Variants in CCDC77 observed in about 807,000 individuals in gnomAD.
CCDC77 encodes the protein coiled-coil domain-containing protein 77.
Under a neutral mutation model 66.8 loss-of-function variants are expected in CCDC77, and 56 were observed. The ratio of observed to expected loss-of-function variants is 0.84; its 90% confidence interval spans 0.68 to 1.05. The LOEUF (loss-of-function observed/expected upper bound fraction) is 1.05, where lower values mean the gene tolerates loss of function less well. Among genes scored for constraint, CCDC77 ranks in the 50% least tolerant of loss-of-function variants. The pLI is 0.00. For synonymous variants in CCDC77, 196 were observed against 195.2 expected, an observed-to-expected ratio of 1.00 and a Z score of -0.03; for missense variants, 570 against 576.8, an observed-to-expected ratio of 0.99 and a Z score of 0.12.
At chr12:408,461 C>T (rs955993410) in intron 2 of CCDC77, among the ~76,000 whole-genome samples, 5 of 152,114 alleles carry the variant, frequency 3.3e-5, no homozygotes, top group Admixed American at 3.3e-4. Flanking sequence ...AAGATAGCAT[C>T]AGTGGCTTTA....
intron 2 of CCDC77, among the ~76,000 whole-genome samples, chr12:407,224 G>A (rs1945011527): frequency 6.6e-6 from 1 of 152,184 alleles, no homozygotes. Flanking sequence ...TAGATATTTG[G>A]ATGAGCTAGC....
At chr12:427,718 C>T (rs1053952296) in intron 5 of CCDC77, among the ~76,000 whole-genome samples, 1 of 151,946 alleles carries the variant, frequency 6.6e-6, no homozygotes, top group African/African-American at 2.4e-5. Context: ...TCAGGTGATC[C>T]GCCTGCCTCA....
upstream of CCDC77, among the ~76,000 whole-genome samples, chr12:397,287 T>C (rs974130150): frequency 5.3e-5 from 8 of 152,048 alleles, no homozygotes; most frequent in Admixed American, 1.3e-4. Flanking sequence ...TGGAAATAAA[T>C]AGGAAGATAT....
intron 1 of CCDC77, among the ~76,000 whole-genome samples, chr12:402,756 G>A (rs1254345928): frequency 1.3e-5 from 2 of 152,218 alleles, no homozygotes; most frequent in Non-Finnish European, 2.9e-5. Context: ...GTGTGGGTAA[G>A]AAGTATTGAG....
intron 2 of CCDC77, among the ~76,000 whole-genome samples, chr12:405,951 C>T (rs1944982385): frequency 6.9e-6 from 1 of 144,690 alleles, no homozygotes; most frequent in Admixed American, 7.1e-5. Context: ...GAGGGTCTCA[C>T]TCTGTCACCC....
intron 4 of CCDC77, among the ~76,000 whole-genome samples, chr12:416,464 G>C (rs1202499779): frequency 2.9e-5 from 4 of 138,076 alleles, no homozygotes; most frequent in African/African-American, 1.1e-4. Flanking sequence ...ACCCAGGCTA[G>C]AGTGCAGTGG....
chr12:424,462 C>A (rs1448294693), intron 5 of CCDC77, among the ~76,000 whole-genome samples: 1 of 151,090 alleles, frequency 6.6e-6, no homozygotes, highest in Non-Finnish European at 1.5e-5. Context: ...TATAGGCATG[C>A]ACCACTATGC....
intron 1 of CCDC77, among the ~76,000 whole-genome samples, chr12:404,137 C>T (rs544725713): frequency 8.6e-5 from 13 of 152,046 alleles, no homozygotes; most frequent in Non-Finnish European, 1.8e-4. Flanking sequence ...GCCAACATGG[C>T]GAAACCCTGT....
intron 9 of CCDC77, among the ~76,000 whole-genome samples, chr12:435,290 A>T (rs1231931811): frequency 2.1e-5 from 3 of 143,500 alleles, no homozygotes; most frequent in Non-Finnish European, 3.0e-5. Flanking sequence ...TCTGTGTTTC[A>T]TCTAGTTTCA....
intron 1 of CCDC77, among the ~76,000 whole-genome samples, chr12:392,535 G>C (rs1351110394): frequency 1.3e-5 from 2 of 152,100 alleles, no homozygotes; most frequent in Non-Finnish European, 2.9e-5. Context: ...CTTGAGGTTA[G>C]GAGTTCGAGA....
chr12:438,656 A>C, intron 10 of CCDC77, 102 bp downstream of exon 10: 1 of 834,972 alleles, frequency 1.2e-6, no homozygotes, highest in Non-Finnish European at 1.9e-6. Flanking sequence ...TCAGTCCAGG[A>C]AGCTCTGGTA....
intron 3 of CCDC77, among the ~76,000 whole-genome samples, chr12:410,456 C>T (rs1376041778): frequency 1.3e-5 from 2 of 149,872 alleles, no homozygotes; most frequent in East Asian, 3.9e-4. Context: ...TCGGTAGAGA[C>T]TAGGTTTTGC....
chr12:438,947 G>A (rs938843198), intron 10 of CCDC77, among the ~76,000 whole-genome samples: 1 of 151,592 alleles, frequency 6.6e-6, no homozygotes, highest in African/African-American at 2.4e-5. Flanking sequence ...GCATGATGGT[G>A]GGTGCCTGTA....
chr12:406,202 A>G (rs1018590338), intron 2 of CCDC77, among the ~76,000 whole-genome samples: 1 of 151,456 alleles, frequency 6.6e-6, no homozygotes, highest in Non-Finnish European at 1.5e-5. Context: ...GAGCCACTTC[A>G]ACTAGCCAAG....
At chr12:423,201 G>A (rs1945444505) in intron 5 of CCDC77, among the ~76,000 whole-genome samples, 1 of 131,810 alleles carries the variant, frequency 7.6e-6, no homozygotes, top group African/African-American at 2.9e-5. Context: ...CCTCACTGCA[G>A]CCTTTACCTA....
intron 8 of CCDC77, 99 bp from the exon 9 acceptor site, chr12:433,075 T>G (rs1352388600): frequency 3.2e-5 from 41 of 1,275,642 alleles, no homozygotes. Flanking sequence ...TTTGTTTGTG[T>G]TTGTTTTTTA....
At chr12:391,647 A>C (rs936862016) in intron 1 of CCDC77, among the ~76,000 whole-genome samples, 10 of 152,242 alleles carry the variant, frequency 6.6e-5, no homozygotes, top group African/African-American at 2.4e-4. Flanking sequence ...ATAGAACCTC[A>C]GTATAAGCAC....
rs1299213368 is a variant in CCDC77, at chr12:428,553, G to A, written c.414-216G>A. Reference sequence around the variant, plus strand: ...AAAAAAAAAGAATTAGCTAAGAAGTGCCCTGGCCCCTTTTCTCTGAATGGA... The same window carrying A: ...AAAAAAAAAGAATTAGCTAAGAAGTACCCTGGCCCCTTTTCTCTGAATGGA... On this transcript the variant is annotated intron_variant, in intron 5 of 12. Coordinates refer to ENST00000239830, the MANE Select transcript of CCDC77 (RefSeq NM_032358.4). Among the ~76,000 whole-genome samples, 3 of 146,446 alleles carry A rather than the reference G, an allele frequency of 2.0e-5. No individual in the cohort carries two copies. The East Asian group carries it at 6.0e-4, about 29-fold the overall frequency.
intron 1 of CCDC77, among the ~76,000 whole-genome samples, chr12:403,205 T>C (rs1045554458): frequency 6.6e-6 from 1 of 152,200 alleles, no homozygotes; most frequent in African/African-American, 2.4e-5. Flanking sequence ...ATAATGATGT[T>C]CCCAAAGAAA....
Sources: allele counts gnomAD v4.1 joint callset (sites outside exome capture counted in the v4.1 genomes callset), GRCh38; gene constraint gnomAD v4.1.1; transcripts MANE v1.5; gene names NCBI Gene and HGNC (gene_info 2026-07-23, HGNC 2026-07-21).